LPP: variants seen among roughly 807,000 people sequenced by gnomAD.
The protein encoded by LPP is lipoma-preferred partner.
In LPP, 38 loss-of-function variants were observed where a neutral mutation model predicts 60.4. The ratio of observed to expected loss-of-function variants is 0.63; its 90% CI spans 0.49 to 0.83. The LOEUF is 0.83. Among genes scored for constraint, LPP ranks in the 40% least tolerant of loss-of-function variants. The pLI is 0.00. For missense variants in LPP, 902 were observed against 783.6 expected, an observed-to-expected ratio of 1.15 and a Z score of -1.80; for synonymous variants, 328 against 290.8, an observed-to-expected ratio of 1.13 and a Z score of -1.30.
chr3:188,591,053 C>T (rs528105710), intron 6 of LPP, among the ~76,000 whole-genome samples: 1 of 152,236 alleles, frequency 6.6e-6, no homozygotes, highest in Non-Finnish European at 1.5e-5. Context: ...TCTGAGGGTT[C>T]ACATAGGAGC....
At chr3:188,721,900 A>G (rs962115518) in intron 8 of LPP, among the ~76,000 whole-genome samples, 1 of 152,104 alleles carries the variant, frequency 6.6e-6, no homozygotes, top group African/African-American at 2.4e-5. Context: ...ATATCACGAG[A>G]TTAGAACACA....
rs71169003 is a variant in LPP, at chr3:188,462,588, ATGTGTGTGTGTGTGTG to A, written c.194-21972_194-21957del. ...TATATATATATATATATATATATGC[ATGTGTGTGTGTGTGTG>A]TGTGTGTGTGTGTGTGTGTGTGTGT... On this transcript the variant is annotated intron_variant, in intron 4 of 11. Transcript: ENST00000617246. 2.6e-3 allele frequency among the ~76,000 whole-genome samples: 151 copies of A among 58,260 alleles called. 3 individuals are homozygous for A. Among genetic ancestry groups the A allele is most frequent in the African/African-American group, 8.9e-3 (142 of 15,872 alleles). The allele number at this position is 58,260 out of a possible 152,430, so 38.2% of individuals were successfully genotyped here. A position where few individuals can be genotyped will look rare whatever the true frequency, so the allele number is the denominator to read the frequency against.
chr3:188,703,736 A>G (rs1864937543), intron 7 of LPP, among the ~76,000 whole-genome samples: 1 of 152,234 alleles, frequency 6.6e-6, no homozygotes, highest in South Asian at 2.1e-4. Context: ...CATAGCAAGC[A>G]AATAGAGTAT....
intron 9 of LPP, among the ~76,000 whole-genome samples, chr3:188,847,994 G>A (rs901884279): frequency 5.9e-5 from 9 of 152,168 alleles, no homozygotes; most frequent in Non-Finnish European, 1.2e-4. Flanking sequence ...CCCCTCTCAG[G>A]CACTTGTGGG....
chr3:188,847,677 G>A (rs753947933), intron 9 of LPP, among the ~76,000 whole-genome samples: 12 of 152,156 alleles, frequency 7.9e-5, no homozygotes, highest in Non-Finnish European at 2.9e-5. Context: ...CTCTTAACAG[G>A]TTGTCAGGCA....
intron 7 of LPP, among the ~76,000 whole-genome samples, chr3:188,616,230 A>C (rs1432680835): frequency 6.6e-6 from 1 of 152,102 alleles, no homozygotes; most frequent in Non-Finnish European, 1.5e-5. Context: ...TTTTACATTT[A>C]AGTATTTAAT....
At chr3:188,479,043 A>G (rs1196861020) in intron 4 of LPP, among the ~76,000 whole-genome samples, 1 of 152,014 alleles carries the variant, frequency 6.6e-6, no homozygotes, top group Non-Finnish European at 1.5e-5. Context: ...TGAGCCATGC[A>G]CCCAGCCACT....
intron 6 of LPP, among the ~76,000 whole-genome samples, chr3:188,527,291 A>C (rs1820872753): frequency 7.0e-6 from 1 of 142,642 alleles, no homozygotes; most frequent in Non-Finnish European, 1.5e-5. Flanking sequence ...CGGAGGTTTC[A>C]GTGAGCCAGG....
At chr3:188,858,763 A>G (rs543540491) in intron 9 of LPP, among the ~76,000 whole-genome samples, 1 of 152,284 alleles carries the variant, frequency 6.6e-6, no homozygotes, top group East Asian at 1.9e-4. Context: ...TTATTTTGAT[A>G]GTAACACATA....
At chr3:188,257,367 G>A (rs568945905) in intron 2 of LPP, among the ~76,000 whole-genome samples, 6 of 152,274 alleles carry the variant, frequency 3.9e-5, no homozygotes, top group Middle Eastern at 3.4e-3. Flanking sequence ...GGTGACGGTC[G>A]TGTTACCTCC....
intron 3 of LPP, among the ~76,000 whole-genome samples, chr3:188,396,507 G>A (rs1289514644): frequency 6.6e-6 from 1 of 152,218 alleles, no homozygotes; most frequent in African/African-American, 2.4e-5. Context: ...GTGAGCTGCA[G>A]TTAACTTGCA....
At chr3:188,655,698 C>T (rs999742646) in intron 7 of LPP, among the ~76,000 whole-genome samples, 1 of 152,086 alleles carries the variant, frequency 6.6e-6, no homozygotes, top group Non-Finnish European at 1.5e-5. Flanking sequence ...TCAATGAGTT[C>T]TTCTCCAAGG....
chr3:188,761,906 C>T (rs541940472), intron 9 of LPP, among the ~76,000 whole-genome samples: 2 of 152,116 alleles, frequency 1.3e-5, no homozygotes, highest in African/African-American at 4.8e-5. Context: ...CTTGGCACCA[C>T]GTTTATGAAA....
intron 6 of LPP, among the ~76,000 whole-genome samples, chr3:188,529,314 G>A (rs1484506935): frequency 6.6e-6 from 1 of 152,152 alleles, no homozygotes; most frequent in Non-Finnish European, 1.5e-5. Context: ...CAACATTGAT[G>A]TTTCTATTTT....
chr3:188,490,749 G>A, intron 5 of LPP, among the ~76,000 whole-genome samples: 1 of 91,868 alleles, frequency 1.1e-5, no homozygotes, highest in Non-Finnish European at 2.3e-5. Context: ...ACTGGCACTG[G>A]AATTTTTTTT....
intron 2 of LPP, among the ~76,000 whole-genome samples, chr3:188,339,042 G>A (rs746291175): frequency 1.3e-5 from 2 of 151,964 alleles, no homozygotes; most frequent in Non-Finnish European, 2.9e-5. Flanking sequence ...ACTCCATCCT[G>A]TTTTTCTCCA....
intron 4 of LPP, among the ~76,000 whole-genome samples, chr3:188,417,776 C>T (rs867097591): frequency 6.6e-6 from 1 of 152,190 alleles, no homozygotes; most frequent in African/African-American, 2.4e-5. Flanking sequence ...TGTGCCTGTG[C>T]ATACAAATGC....
intron 8 of LPP, among the ~76,000 whole-genome samples, chr3:188,732,092 T>G (rs1404065664): frequency 6.6e-6 from 1 of 152,140 alleles, no homozygotes; most frequent in East Asian, 1.9e-4. Flanking sequence ...AATAGTTAGG[T>G]CAGAAGTTAC....
At chr3:188,642,342 A>G (rs554105208) in intron 7 of LPP, among the ~76,000 whole-genome samples, 2 of 152,336 alleles carry the variant, frequency 1.3e-5, no homozygotes, top group East Asian at 3.9e-4. Flanking sequence ...GGATAGTTAC[A>G]GGTCCAGACA....
Sources: allele counts gnomAD v4.1 joint callset (sites outside exome capture counted in the v4.1 genomes callset), GRCh38; gene constraint gnomAD v4.1.1; transcripts MANE v1.5; gene names NCBI Gene and HGNC (gene_info 2026-07-23, HGNC 2026-07-21).